The following TNFRSF10B variants were observed in gnomAD, a reference collection of about 807,000 sequenced individuals.
TNFRSF10B encodes tumor necrosis factor receptor superfamily member 10B.
Under a neutral mutation model 41.4 loss-of-function variants are expected in TNFRSF10B, and 35 were observed. The ratio of observed to expected loss-of-function variants is 0.85; its 90% CI spans 0.65 to 1.12. TNFRSF10B has a LOEUF of 1.12. Ranked by LOEUF, TNFRSF10B falls within the 50% of genes most tolerant of loss-of-function variation. The pLI, the probability that TNFRSF10B is intolerant of heterozygous loss-of-function variation, is 0.00. For missense variants in TNFRSF10B, 584 were observed against 552.7 expected (o/e 1.06, Z -0.57); for synonymous variants, 230 against 215.5 (o/e 1.07, Z -0.59).
Position 23,027,760 on chromosome 8 carries a change from A to T in TNFRSF10B, c.749-7T>A, listed in dbSNP as rs368477454. The T allele has an allele frequency of 4.3e-6, 7 of 1,613,828 alleles. No individual in the cohort carries two copies. In the African/African-American group the frequency reaches 8.0e-5, roughly 18 times the overall value. ...TCAGGGTCCCCACCACCACCTAAAA[A>T]AGAAGCAGTCTCCTTAGCAGGAAGG... On this transcript the variant is annotated splice_polypyrimidine_tract_variant and splice_region_variant and intron_variant, in intron 5 of 8. Coordinates refer to ENST00000276431, the MANE Select transcript of TNFRSF10B (RefSeq NM_003842.5).
intron 1 of TNFRSF10B, among the ~76,000 whole-genome samples, chr8:23,052,709 T>C (rs1392261000): frequency 2.0e-5 from 3 of 152,230 alleles, no homozygotes; most frequent in African/African-American, 7.2e-5. Flanking sequence ...ATTTTAAAGA[T>C]TATTGGTAAA....
intron 2 of TNFRSF10B, among the ~76,000 whole-genome samples, chr8:23,041,347 G>A (rs929805063): frequency 3.3e-5 from 5 of 151,972 alleles, no homozygotes; most frequent in South Asian, 2.1e-4. Context: ...GTGAGTCACT[G>A]CGCCCGGCGT....
intron 1 of TNFRSF10B, among the ~76,000 whole-genome samples, chr8:23,057,517 C>T (rs1199387474): frequency 2.6e-5 from 4 of 150,968 alleles, no homozygotes; most frequent in Admixed American, 6.6e-5. Context: ...ACTGCAACCT[C>T]CGCCTCCTGG....
intron 2 of TNFRSF10B, among the ~76,000 whole-genome samples, chr8:23,033,459 C>T (rs1483636627): frequency 1.3e-5 from 2 of 151,532 alleles, no homozygotes; most frequent in Non-Finnish European, 2.9e-5. Context: ...AGGTGGCGGG[C>T]GCCTGTAGTC....
intron 8 of TNFRSF10B, among the ~76,000 whole-genome samples, chr8:23,023,839 C>T (rs1482390449): frequency 6.6e-6 from 1 of 152,146 alleles, no homozygotes; most frequent in Non-Finnish European, 1.5e-5. Flanking sequence ...AGGCACAGGT[C>T]AAGAGCTCCT....
intron 2 of TNFRSF10B, among the ~76,000 whole-genome samples, chr8:23,039,278 ACTGGTCCATGGCC>A (rs1812105721): frequency 6.6e-6 from 1 of 151,998 alleles, no homozygotes; most frequent in African/African-American, 2.4e-5. Context: ...ACGGACCAGT[ACTGGTCCATGGCC>A]TGGGGGTCAG....
In TNFRSF10B at chr8:23,068,816, C is replaced by T. The variant is rs985425967; in HGVS notation, c.79G>A (p.Gly27Arg). 1 of 1,612,138 alleles carries T rather than the reference C, an allele frequency of 6.2e-7. No individual in the cohort carries two copies. The stretch of plus-strand genomic sequence containing the variant: ...GGGACCCGGGGCCCAGGCCTGGCTC[C>T]CCGCGCCTCCCTGGGTCCTGGGCCG... ...RHGPGPREAR[G>R]ARPGPRVPKT... Residue 27 changes from glycine to arginine, a missense_variant, in exon 1 of 9, where the codon GGA becomes AGA. Gly to Arg is a moderately radical substitution (Grantham distance 125). Transcript: ENST00000276431.
At chr8:23,023,493 C>T (rs1811606256) in intron 8 of TNFRSF10B, among the ~76,000 whole-genome samples, 1 of 149,282 alleles carries the variant, frequency 6.7e-6, no homozygotes, top group African/African-American at 2.6e-5. Context: ...GGCAAACAGA[C>T]TCTGAGCAAG....
intron 2 of TNFRSF10B, among the ~76,000 whole-genome samples, chr8:23,035,178 G>C (rs565313692): frequency 2.6e-5 from 4 of 151,370 alleles, no homozygotes; most frequent in Non-Finnish European, 5.9e-5. Context: ...GTCTTGCTCT[G>C]TCTCTCAGGC....
Position 23,022,307 on chromosome 8 carries a change from GA to G in TNFRSF10B, c.*363del, listed in dbSNP as rs1194899438. On this transcript the variant is annotated 3_prime_UTR_variant, in exon 9 of 9. Coordinates refer to ENST00000276431, the MANE Select transcript of TNFRSF10B (RefSeq NM_003842.5). The stretch of plus-strand genomic sequence containing the variant: ...TATCATATAGTATCAAGTGAAGTCG[GA>G]CAACGACTGTGTAGATGGATCTTAC... 6.5e-6 allele frequency: 3 copies of G among 460,250 alleles called. No homozygotes were observed. The highest frequency in any genetic ancestry group is 1.3e-5 in the Non-Finnish European group (3 of 231,330). 28.5% of individuals were successfully genotyped at this position (460,250 alleles called of 1,614,324 possible).
intron 6 of TNFRSF10B, 32 bp downstream of exon 6, chr8:23,027,690 T>C (rs1411224565): frequency 1.9e-6 from 3 of 1,613,772 alleles, no homozygotes; most frequent in African/African-American, 2.7e-5. Context: ...CCTGAACCCC[T>C]GAGCCCCCAG....
chr8:23,045,621 T>G (rs1585218725), intron 1 of TNFRSF10B, among the ~76,000 whole-genome samples: 1 of 152,158 alleles, frequency 6.6e-6, no homozygotes, highest in Non-Finnish European at 1.5e-5. Flanking sequence ...AAAGCCAGAA[T>G]AGAACACTGT....
rs764428940 is a variant in TNFRSF10B at position 23,043,257 on chromosome 8, G to A, written c.145-14C>T. Reference sequence around the variant, plus strand: ...CTCAGCTGAGACCTGTGGGGACAAAGCAGGGATGGGCATGAGTGGCTTCCA... The same window carrying A: ...CTCAGCTGAGACCTGTGGGGACAAAACAGGGATGGGCATGAGTGGCTTCCA... On this transcript the variant is annotated splice_polypyrimidine_tract_variant and intron_variant, in intron 1 of 8. Transcript: ENST00000276431. 3 of 1,610,886 alleles carry A rather than the reference G, an allele frequency of 1.9e-6. No homozygotes were observed. The highest frequency in any genetic ancestry group is 1.7e-6 in the Non-Finnish European group (2 of 1,177,506).
At chr8:23,031,893 C>G (rs1278184624) in intron 2 of TNFRSF10B, among the ~76,000 whole-genome samples, 1 of 149,944 alleles carries the variant, frequency 6.7e-6, no homozygotes, top group African/African-American at 2.5e-5. Context: ...ACTCATGGCA[C>G]ATCTCAATTT....
chr8:23,063,047 T>C (rs1320661288), intron 1 of TNFRSF10B, among the ~76,000 whole-genome samples: 1 of 152,170 alleles, frequency 6.6e-6, no homozygotes, highest in African/African-American at 2.4e-5. Context: ...CTTCCTTCTT[T>C]CCTTAAGATC....
intron 8 of TNFRSF10B, among the ~76,000 whole-genome samples, chr8:23,023,596 C>T (rs185951741): frequency 9.1e-4 from 139 of 152,260 alleles, no homozygotes; most frequent in Middle Eastern, 3.4e-3. Flanking sequence ...CCTCGCCGTC[C>T]TCAGAGATAG....
intron 2 of TNFRSF10B, among the ~76,000 whole-genome samples, chr8:23,032,940 C>T (rs1811922052): frequency 6.6e-6 from 1 of 152,154 alleles, no homozygotes; most frequent in Non-Finnish European, 1.5e-5. Flanking sequence ...AAAAGCCCAA[C>T]ACCAACAGAA....
intron 7 of TNFRSF10B, 110 bp from the exon 8 acceptor site, chr8:23,024,370 A>G (rs1245744062): frequency 3.3e-6 from 4 of 1,228,114 alleles, no homozygotes; most frequent in Non-Finnish European, 4.8e-6. Flanking sequence ...CTTCCAGAAC[A>G]TTGTTCTGAA....
intron 1 of TNFRSF10B, among the ~76,000 whole-genome samples, chr8:23,055,045 T>C (rs192266444): frequency 2.6e-5 from 4 of 152,350 alleles, no homozygotes; most frequent in African/African-American, 9.6e-5. Context: ...TCGATGTTTT[T>C]CAGTTTTTAT....
Sources: allele counts gnomAD v4.1 joint callset (sites outside exome capture counted in the v4.1 genomes callset), GRCh38; gene constraint gnomAD v4.1.1; transcripts MANE v1.5; gene names NCBI Gene and HGNC (gene_info 2026-07-23, HGNC 2026-07-21).